The following BICD1 variants were observed in gnomAD, a reference collection of about 807,000 sequenced individuals.
The protein encoded by BICD1 is BICD cargo adaptor 1.
A neutral mutation model predicts 92.5 loss-of-function variants in BICD1; 35 were observed. The observed-to-expected ratio is 0.38, with a 90% CI of 0.29 to 0.50. The LOEUF (loss-of-function observed/expected upper bound fraction) is 0.50. Among genes scored for constraint, BICD1 ranks in the 20% least tolerant of loss-of-function variants. The probability of loss-of-function intolerance (pLI) is 0.93; values close to 1 mark genes in which losing one functional copy is unlikely to be tolerated. For missense variants in BICD1, 950 were observed against 1,189.8 expected, an observed-to-expected ratio of 0.80 and a Z score of 2.97; for synonymous variants, 429 against 465.1, an observed-to-expected ratio of 0.92 and a Z score of 1.00.
intron 2 of BICD1, among the ~76,000 whole-genome samples, chr12:32,216,993 C>A (rs1044330397): frequency 2.0e-5 from 3 of 152,166 alleles, no homozygotes; most frequent in African/African-American, 7.2e-5. Context: ...GTCAGGGAGT[C>A]TCTCTTGCTC....
At chr12:32,339,294 T>C (rs985182789) in intron 8 of BICD1, 6 of 1,047,478 alleles carry the variant, frequency 5.7e-6, no homozygotes, top group African/African-American at 1.7e-5. Flanking sequence ...TGGTAGCTCA[T>C]GGCGATTCCA....
chr12:32,268,492 GT>G (rs1947056853), intron 2 of BICD1, among the ~76,000 whole-genome samples: 1 of 152,198 alleles, frequency 6.6e-6, no homozygotes, highest in Admixed American at 6.6e-5. Flanking sequence ...TTAGAAGCTT[GT>G]AAAAATAAGA....
At chr12:32,340,545 G>T (rs1023522619) in intron 8 of BICD1, 2 of 909,066 alleles carry the variant, frequency 2.2e-6, no homozygotes, top group Non-Finnish European at 2.6e-6. Context: ...AACTCCTATT[G>T]CTGTTTAATT....
At chr12:32,263,861 C>T (rs1946923068) in intron 2 of BICD1, among the ~76,000 whole-genome samples, 1 of 152,164 alleles carries the variant, frequency 6.6e-6, no homozygotes, top group African/African-American at 2.4e-5. Flanking sequence ...GTCTTGCTGT[C>T]TAGCAGAGTG....
intron 4 of BICD1, among the ~76,000 whole-genome samples, chr12:32,307,272 A>C (rs1194935207): frequency 6.6e-6 from 1 of 152,232 alleles, no homozygotes; most frequent in Non-Finnish European, 1.5e-5. Flanking sequence ...GGTATAATCT[A>C]AGACCAAAGG....
chr12:32,235,319 C>T (rs1946030592), intron 2 of BICD1, among the ~76,000 whole-genome samples: 1 of 152,168 alleles, frequency 6.6e-6, no homozygotes, highest in African/African-American at 2.4e-5. Flanking sequence ...CTCTCTTGCC[C>T]TCAACAATTA....
intron 2 of BICD1, among the ~76,000 whole-genome samples, chr12:32,251,895 G>A (rs1001435365): frequency 6.8e-6 from 1 of 147,340 alleles, no homozygotes; most frequent in African/African-American, 2.5e-5. Context: ...TTTCCCTCCA[G>A]TGATGAGTAA....
At chr12:32,351,807 G>A (rs961907778) in intron 8 of BICD1, among the ~76,000 whole-genome samples, 2 of 151,754 alleles carry the variant, frequency 1.3e-5, no homozygotes, top group African/African-American at 4.8e-5. Context: ...GGAGGCTGAG[G>A]CAGGATAATT....
In BICD1 at chr12:32,328,621, T is replaced by G; in HGVS notation, c.2100+66T>G. On this transcript the variant is annotated intron_variant, in intron 5 of 9. Transcript: ENST00000652176. This position sits in a 1 kb window ranked among gnomAD's most constrained non-coding sequence, Gnocchi z 4.4. Reference sequence around the variant, plus strand: ...TTCTTAACTAATTTATTCCCTAATTTTATTGAGTATCGAGTATCGTCAAGA... The same window carrying G: ...TTCTTAACTAATTTATTCCCTAATTGTATTGAGTATCGAGTATCGTCAAGA... 1 of 1,537,640 alleles carries G rather than the reference T, an allele frequency of 6.5e-7. No homozygotes were observed. The highest frequency in any genetic ancestry group is 1.3e-5 in the South Asian group (1 of 77,910).
At chr12:32,212,509 C>T (rs1945246760) in intron 1 of BICD1, among the ~76,000 whole-genome samples, 1 of 152,168 alleles carries the variant, frequency 6.6e-6, no homozygotes, top group South Asian at 2.1e-4. Context: ...ACTGCAACCT[C>T]CATCTCCCAG....
rs1221227286 is a variant in BICD1 at position 32,337,304 on chromosome 12, C to T, written c.2253-195C>T. Among the ~76,000 whole-genome samples, 1 of 152,150 alleles carries T rather than the reference C, an allele frequency of 6.6e-6. No homozygotes were observed. The highest frequency in any genetic ancestry group is 1.5e-5 in the Non-Finnish European group (1 of 68,028). On this transcript the variant is annotated intron_variant, in intron 6 of 9. Transcript: ENST00000652176. The surrounding 1 kb of genome is among the most constrained non-coding windows in gnomAD (Gnocchi z 4.7). The stretch of plus-strand genomic sequence containing the variant: ...ATAATAATAAATTTTTTAAAAATGT[C>T]CCATATATCTCATTGTATGGATGAA...
intron 1 of BICD1, among the ~76,000 whole-genome samples, chr12:32,110,766 T>C (rs1941653617): frequency 1.4e-5 from 2 of 141,348 alleles, no homozygotes; most frequent in African/African-American, 5.3e-5. Context: ...ATGTTCTCAC[T>C]CATAGATGGG....
At chr12:32,137,230 A>G (rs935721875) in intron 1 of BICD1, among the ~76,000 whole-genome samples, 1 of 152,166 alleles carries the variant, frequency 6.6e-6, no homozygotes, top group African/African-American at 2.4e-5. Context: ...CTGGGATTAC[A>G]GGCATGCGCC....
At chr12:32,129,808 A>T (rs371053541) in intron 1 of BICD1, among the ~76,000 whole-genome samples, 36 of 152,232 alleles carry the variant, frequency 2.4e-4, no homozygotes, top group African/African-American at 7.5e-4. Flanking sequence ...ATGGTTTGTT[A>T]AAAAAATGAA....
At chr12:32,277,416 C>T (rs997461677) in intron 2 of BICD1, among the ~76,000 whole-genome samples, 1 of 152,110 alleles carries the variant, frequency 6.6e-6, no homozygotes, top group Non-Finnish European at 1.5e-5. Context: ...CAAACAGTAA[C>T]AGTTACTTCT....
intron 1 of BICD1, among the ~76,000 whole-genome samples, chr12:32,126,062 A>T (rs1947212237): frequency 6.6e-6 from 1 of 151,438 alleles, no homozygotes; most frequent in Non-Finnish European, 1.5e-5. Context: ...AAAAAAAAAA[A>T]AAAAAAAGCA....
At chr12:32,121,116 G>T (rs1003886971) in intron 1 of BICD1, among the ~76,000 whole-genome samples, 17 of 151,920 alleles carry the variant, frequency 1.1e-4, no homozygotes, top group African/African-American at 3.6e-4. Flanking sequence ...TTACAGGCGT[G>T]TGCCACCATG....
chr12:32,166,850 C>A (rs980988324), intron 1 of BICD1, among the ~76,000 whole-genome samples: 1 of 152,176 alleles, frequency 6.6e-6, no homozygotes, highest in Non-Finnish European at 1.5e-5. Context: ...ATAATAGTGT[C>A]TCTTGCCTTA....
At chr12:32,189,230 A>T (rs544993838) in intron 1 of BICD1, among the ~76,000 whole-genome samples, 1 of 152,366 alleles carries the variant, frequency 6.6e-6, no homozygotes, top group Non-Finnish European at 1.5e-5. Flanking sequence ...AATAACCCTG[A>T]GAAATAGTTC....
Sources: gnomAD v4.1 joint callset for allele counts (sites outside exome capture counted in the v4.1 genomes callset) on GRCh38, gnomAD v4.1.1 for gene constraint, Gnocchi (gnomAD v3.1) non-coding constraint, MANE v1.5 for transcripts, NCBI Gene and HGNC (gene_info 2026-07-23, HGNC 2026-07-21) for gene names.